GRID2: variants seen among roughly 807,000 people sequenced by gnomAD.
GRID2 encodes the protein glutamate ionotropic receptor delta type subunit 2.
Under a neutral mutation model 114.8 loss-of-function variants are expected in GRID2, and 33 were observed. The observed-to-expected ratio is 0.29, with a 90% CI of 0.22 to 0.38. The LOEUF (loss-of-function observed/expected upper bound fraction) is 0.38, where lower values mean the gene tolerates loss of function less well. GRID2 is among the 10% of genes least tolerant of loss of function. GRID2 has a pLI of 1.00. For synonymous variants in GRID2, 505 were observed against 449.9 expected (o/e 1.12, Z -1.55); for missense variants, 1,184 against 1,257.7 (o/e 0.94, Z 0.89).
chr4:92,339,534 C>T (rs144589084), intron 1 of GRID2, among the ~76,000 whole-genome samples: 21 of 146,100 alleles, frequency 1.4e-4, no homozygotes, highest in African/African-American at 5.2e-4. Flanking sequence ...TATTATGATC[C>T]TCATAGTAAC....
intron 2 of GRID2, among the ~76,000 whole-genome samples, chr4:92,741,955 G>T (rs1208641644): frequency 6.6e-6 from 1 of 152,032 alleles, no homozygotes; most frequent in Admixed American, 6.6e-5. Flanking sequence ...AACAACTCTG[G>T]CTCGAAATGT....
intron 2 of GRID2, among the ~76,000 whole-genome samples, chr4:93,078,904 G>T (rs1414831371): frequency 6.9e-6 from 1 of 143,982 alleles, no homozygotes; most frequent in African/African-American, 2.5e-5. Flanking sequence ...TTTTTGTCTT[G>T]TATTTTAAAT....
intron 4 of GRID2, among the ~76,000 whole-genome samples, chr4:93,139,869 TTAA>T (rs1273114359): frequency 1.3e-5 from 2 of 151,946 alleles, no homozygotes; most frequent in African/African-American, 4.8e-5. Context: ...TGAGAAACAG[TTAA>T]TGTTATGAAA....
At chr4:93,388,124 T>A (rs554802784) in intron 8 of GRID2, among the ~76,000 whole-genome samples, 60 of 152,102 alleles carry the variant, frequency 3.9e-4, no homozygotes, top group Non-Finnish European at 6.3e-4. Flanking sequence ...ATTACAGTGA[T>A]ATGAGGTAGC....
intron 9 of GRID2, among the ~76,000 whole-genome samples, chr4:93,421,420 G>A (rs975629917): frequency 6.6e-6 from 1 of 152,054 alleles, no homozygotes; most frequent in African/African-American, 2.4e-5. Context: ...AGTTCATTTT[G>A]CTCTAAGATA....
intron 2 of GRID2, among the ~76,000 whole-genome samples, chr4:92,957,881 T>G (rs1752522512): frequency 6.6e-6 from 1 of 152,078 alleles, no homozygotes; most frequent in Non-Finnish European, 1.5e-5. Flanking sequence ...TTTGTTACAT[T>G]TATATTTAAA....
intron 14 of GRID2, among the ~76,000 whole-genome samples, chr4:93,668,525 A>G (rs768712655): frequency 1.4e-4 from 21 of 152,082 alleles, no homozygotes; most frequent in Non-Finnish European, 2.6e-4. Flanking sequence ...GTCACATTGT[A>G]TATGTGTATA....
Position 93,085,050 on chromosome 4 carries a change from G to A in GRID2, c.300G>A (p.Thr100=), listed in dbSNP as rs115664626. 1.8e-3 allele frequency: 2,906 copies of A among 1,614,058 alleles called. 50 individuals carry two copies. In the African/African-American group the frequency reaches 0.034, roughly 19 times the overall value. Residue 100 remains threonine, a synonymous_variant, in exon 3 of 16, where the codon ACG becomes ACA. Coordinates refer to ENST00000282020, the MANE Select transcript of GRID2 (RefSeq NM_001510.4). ...CCCTGGTCAGCTCCATTGGCTGCAC[G>A]TCAGCAGGATCCCTCCAGTCTTTGG... The part of the protein sequence containing the change: ...ILALVSSIGC[T]SAGSLQSLAD...
intron 1 of GRID2, among the ~76,000 whole-genome samples, chr4:92,459,647 A>C (rs1342053012): frequency 2.0e-5 from 3 of 152,230 alleles, no homozygotes; most frequent in Non-Finnish European, 2.9e-5. Context: ...TTGTCTACCC[A>C]AAATTTTATT....
At chr4:92,722,829 A>G (rs546981189) in intron 2 of GRID2, among the ~76,000 whole-genome samples, 5 of 152,126 alleles carry the variant, frequency 3.3e-5, no homozygotes, top group Admixed American at 6.6e-5. Context: ...CCCTTTCCCA[A>G]TTGTAACATA....
chr4:92,974,390 A>G (rs895355221), intron 2 of GRID2, among the ~76,000 whole-genome samples: 1 of 152,152 alleles, frequency 6.6e-6, no homozygotes, highest in African/African-American at 2.4e-5. Context: ...ATGTACATGT[A>G]TCTTTATTGT....
At chr4:92,821,556 A>T (rs1265718458) in intron 2 of GRID2, among the ~76,000 whole-genome samples, 2 of 152,158 alleles carry the variant, frequency 1.3e-5, no homozygotes, top group Non-Finnish European at 2.9e-5. Context: ...GGAGTTACAT[A>T]AACAGAAATT....
intron 4 of GRID2, among the ~76,000 whole-genome samples, chr4:93,154,944 A>G (rs2149401277): frequency 6.6e-6 from 1 of 151,946 alleles, no homozygotes; most frequent in East Asian, 1.9e-4. Context: ...CCTTACATTT[A>G]TATTTTTTTG....
intron 2 of GRID2, among the ~76,000 whole-genome samples, chr4:93,057,168 G>C (rs1376789174): frequency 6.6e-6 from 1 of 151,402 alleles, no homozygotes; most frequent in African/African-American, 2.4e-5. Flanking sequence ...GTGTCTGTGT[G>C]TGTGTGTGTG....
At chr4:92,646,888 C>CTTTTTTTTTTTT (rs33921659) in intron 2 of GRID2, among the ~76,000 whole-genome samples, 7 of 56,072 alleles carry the variant, frequency 1.2e-4, no homozygotes, top group Non-Finnish European at 1.2e-4. Context: ...TCTTTGAATT[C>CTTTTTTTTTTTT]TTTTTTTTTT....
chr4:93,467,164 G>A (rs1308049361), intron 11 of GRID2, among the ~76,000 whole-genome samples: 9 of 152,126 alleles, frequency 5.9e-5, no homozygotes, highest in Non-Finnish European at 1.0e-4. Flanking sequence ...TCTGAGTTCA[G>A]TTTGAAGTGA....
chr4:92,738,188 T>C (rs1233102719), intron 2 of GRID2, among the ~76,000 whole-genome samples: 1 of 152,170 alleles, frequency 6.6e-6, no homozygotes, highest in African/African-American at 2.4e-5. Flanking sequence ...ATGGTGAGAA[T>C]TTTTTCATGT....
At chr4:93,600,185 A>C (rs1291866535) in intron 13 of GRID2, among the ~76,000 whole-genome samples, 1 of 152,196 alleles carries the variant, frequency 6.6e-6, no homozygotes, top group Non-Finnish European at 1.5e-5. Flanking sequence ...GTACAAATAC[A>C]AGTTCCTTAA....
chr4:92,309,438 A>G lies in GRID2; in HGVS notation c.88+4694A>G, dbSNP rs1321394969. 1.3e-5 allele frequency among the ~76,000 whole-genome samples: 2 copies of G among 152,100 alleles called. 1 individual carries two copies. The highest frequency in any genetic ancestry group is 6.8e-3 in the Middle Eastern group (2 of 294). ...GTAGCAATACTTAGAATGTATTACTATAGTATAATGTTTATTAGAAAATAC... is the reference window on the plus strand; with the variant it reads ...GTAGCAATACTTAGAATGTATTACTGTAGTATAATGTTTATTAGAAAATAC... On this transcript the variant is annotated intron_variant, in intron 1 of 15. Transcript: ENST00000282020.
Sources: gnomAD v4.1 joint callset for allele counts (sites outside exome capture counted in the v4.1 genomes callset) on GRCh38, gnomAD v4.1.1 for gene constraint, MANE v1.5 for transcripts, NCBI Gene and HGNC (gene_info 2026-07-23, HGNC 2026-07-21) for gene names.